The following CTNNA3 variants were observed in gnomAD, a reference collection of about 807,000 sequenced individuals.
CTNNA3 encodes catenin alpha-3.
In CTNNA3, 76 loss-of-function variants were observed where a neutral mutation model predicts 95.7. The ratio of observed to expected loss-of-function variants is 0.79; its 90% CI spans 0.66 to 0.96. The LOEUF (loss-of-function observed/expected upper bound fraction) is 0.96, where lower values mean the gene tolerates loss of function less well. Among genes scored for constraint, CTNNA3 ranks in the 40% least tolerant of loss-of-function variants. The pLI is 0.00. For synonymous variants in CTNNA3, 431 were observed against 374.4 expected (o/e 1.15, Z -1.74); for missense variants, 1,191 against 1,089.8 (o/e 1.09, Z -1.31).
At chr10:67,443,638 G>A (rs533760725) in intron 5 of CTNNA3, among the ~76,000 whole-genome samples, 2 of 152,090 alleles carry the variant, frequency 1.3e-5, no homozygotes, top group South Asian at 4.1e-4. Context: ...CTTTTTGATG[G>A]AGTTGTTTGT....
At chr10:65,965,583 T>G (rs2133253938) in intron 17 of CTNNA3, among the ~76,000 whole-genome samples, 1 of 152,078 alleles carries the variant, frequency 6.6e-6, no homozygotes, top group Admixed American at 6.6e-5. Context: ...TTTTGTATTT[T>G]TAGTAGAGAC....
chr10:66,617,408 A>G (rs1844559892), intron 10 of CTNNA3, among the ~76,000 whole-genome samples: 1 of 152,128 alleles, frequency 6.6e-6, no homozygotes, highest in African/African-American at 2.4e-5. Flanking sequence ...GGTTCAATAT[A>G]CGCAAATCAA....
chr10:67,510,461 T>C (rs1040511297), intron 5 of CTNNA3, among the ~76,000 whole-genome samples: 8 of 122,498 alleles, frequency 6.5e-5, no homozygotes, highest in African/African-American at 2.5e-4. Context: ...TCTTCACTTC[T>C]TTTTTTTTTT....
chr10:66,365,757 G>GCT (rs71035132), intron 12 of CTNNA3, among the ~76,000 whole-genome samples: 100 of 113,084 alleles, frequency 8.8e-4, no homozygotes, highest in African/African-American at 1.8e-3. Flanking sequence ...TGCATCTTAG[G>GCT]CTCTCTCTCT....
rs368870619 is a variant in CTNNA3, at chr10:66,514,859, A to G, written c.1531+5758T>C. Among the ~76,000 whole-genome samples the G allele has an allele frequency of 1.4e-3, 219 of 152,264 alleles. 1 individual carries two copies. The highest frequency in any genetic ancestry group is 5.0e-3 in the African/African-American group (207 of 41,546). On this transcript the variant is annotated intron_variant, in intron 11 of 17. Transcript: ENST00000433211. ...TAGCTCATGATGAGTCAGTTTATGCAAACTGACCTCTGAAAATATATGTTT... is the reference window on the plus strand; with the variant it reads ...TAGCTCATGATGAGTCAGTTTATGCGAACTGACCTCTGAAAATATATGTTT...
intron 1 of CTNNA3, chr10:67,750,310 C>G: frequency 1.3e-6 from 2 of 1,525,362 alleles, no homozygotes; most frequent in Non-Finnish European, 1.8e-6. Flanking sequence ...AGCTCAATAC[C>G]AAAGCCAAGA....
Position 66,381,254 on chromosome 10 carries a change from G to T in CTNNA3, c.1532-1902C>A, listed in dbSNP as rs146020935. ...ACAGTCTGTCCCCTTTGACCTGCTTGCTCAACTCCTACTATTCTTTCAAGC... is the reference window on the plus strand; with the variant it reads ...ACAGTCTGTCCCCTTTGACCTGCTTTCTCAACTCCTACTATTCTTTCAAGC... On this transcript the variant is annotated intron_variant, in intron 11 of 17. Coordinates refer to ENST00000433211, the MANE Select transcript of CTNNA3 (RefSeq NM_013266.4). 2.1e-3 allele frequency among the ~76,000 whole-genome samples: 314 copies of T among 152,138 alleles called. 2 individuals are homozygous for T. The highest frequency in any genetic ancestry group is 7.1e-3 in the African/African-American group (294 of 41,498).
At chr10:66,850,088 C>T (rs1008792566) in intron 7 of CTNNA3, among the ~76,000 whole-genome samples, 1 of 152,182 alleles carries the variant, frequency 6.6e-6, no homozygotes, top group African/African-American at 2.4e-5. Context: ...CATTTAGCTA[C>T]TATTCTAACT....
chr10:67,231,489 A>G (rs1400527206), intron 5 of CTNNA3, among the ~76,000 whole-genome samples: 1 of 152,210 alleles, frequency 6.6e-6, no homozygotes, highest in Non-Finnish European at 1.5e-5. Flanking sequence ...GAAAACTAAC[A>G]AACAGAAAGG....
At chr10:65,993,170 A>C (rs932498823) in intron 15 of CTNNA3, among the ~76,000 whole-genome samples, 7 of 152,360 alleles carry the variant, frequency 4.6e-5, no homozygotes, top group South Asian at 2.1e-4. Context: ...CATATGGTCA[A>C]TCCTACAGGA....
chr10:66,647,490 T>G (rs1845745808), intron 9 of CTNNA3, among the ~76,000 whole-genome samples: 1 of 149,398 alleles, frequency 6.7e-6, no homozygotes, highest in East Asian at 2.0e-4. Context: ...ATAGCAGAGA[T>G]AGAGAGTTAT....
chr10:67,045,673 C>A (rs933712224), intron 7 of CTNNA3, among the ~76,000 whole-genome samples: 1 of 152,160 alleles, frequency 6.6e-6, no homozygotes, highest in African/African-American at 2.4e-5. Context: ...CTAGTCCTGG[C>A]GCGGGATGGG....
At chr10:67,187,642 G>C (rs1234415423) in intron 6 of CTNNA3, among the ~76,000 whole-genome samples, 5 of 151,930 alleles carry the variant, frequency 3.3e-5, no homozygotes, top group African/African-American at 1.2e-4. Context: ...GCTGAGTGCA[G>C]TTGTGCAATG....
At chr10:67,430,100 T>A (rs973271687) in intron 5 of CTNNA3, among the ~76,000 whole-genome samples, 1 of 151,978 alleles carries the variant, frequency 6.6e-6, no homozygotes, top group Non-Finnish European at 1.5e-5. Flanking sequence ...TCCTTTATAT[T>A]TCATTTTCAA....
intron 13 of CTNNA3, among the ~76,000 whole-genome samples, chr10:66,217,228 C>T (rs2088604783): frequency 4.0e-5 from 6 of 151,840 alleles, no homozygotes; most frequent in Admixed American, 3.9e-4. Context: ...GTGGTGGGTG[C>T]TTGTAGTCCC....
intron 9 of CTNNA3, among the ~76,000 whole-genome samples, chr10:66,689,159 T>C (rs144867776): frequency 2.6e-5 from 4 of 152,118 alleles, no homozygotes; most frequent in South Asian, 2.1e-4. Context: ...TTAGGAGAAC[T>C]TGGGGCAAGC....
At chr10:66,225,753 T>A (rs1280009335) in intron 13 of CTNNA3, among the ~76,000 whole-genome samples, 1 of 151,962 alleles carries the variant, frequency 6.6e-6, no homozygotes, top group Non-Finnish European at 1.5e-5. Context: ...GATTTTTTTT[T>A]AATAACAGCC....
rs868234458 is a variant in CTNNA3, at chr10:66,360,804, C to T, written c.1732+18348G>A. 7.2e-3 allele frequency among the ~76,000 whole-genome samples: 505 copies of T among 69,856 alleles called. 40 individuals are homozygous for T. The highest frequency in any genetic ancestry group is 9.0e-3 in the Non-Finnish European group (312 of 34,502). The allele number at this position is 69,856 out of a possible 152,430, so 45.8% of individuals were successfully genotyped here. ...TTCTTTCTTCCTTCCTTCCTTCCTT[C>T]CTTCCTTCCTTCCTTTCTTTCTTTC... is the stretch of plus-strand genomic sequence containing the variant. On this transcript the variant is annotated intron_variant, in intron 12 of 17. Transcript: ENST00000433211.
chr10:66,421,897 G>GATGTGTATATAT lies in CTNNA3; in HGVS notation c.1532-42546_1532-42545insATATATACACAT. 1.8e-4 allele frequency among the ~76,000 whole-genome samples: 20 copies of GATGTGTATATAT among 108,150 alleles called. 1 individual carries two copies. Among genetic ancestry groups the GATGTGTATATAT allele is most frequent in the African/African-American group, 4.9e-4 (14 of 28,706 alleles). 71.0% of individuals were successfully genotyped at this position (108,150 alleles called of 152,430 possible). ...TTTCTAAGAGCTTCATAATAAATGT[G>GATGTGTATATAT]ATATATATATATATATATACACACA... On this transcript the variant is annotated intron_variant, in intron 11 of 17. Transcript: ENST00000433211.
Sources: allele counts gnomAD v4.1 joint callset (sites outside exome capture counted in the v4.1 genomes callset), GRCh38; gene constraint gnomAD v4.1.1; transcripts MANE v1.5; gene names NCBI Gene and HGNC (gene_info 2026-07-23, HGNC 2026-07-21).